The following PLCE1 variants were observed in gnomAD, a reference collection of about 807,000 sequenced individuals.
The protein encoded by PLCE1 is 1-phosphatidylinositol 4,5-bisphosphate phosphodiesterase epsilon-1.
In PLCE1, 119 loss-of-function variants were observed where a neutral mutation model predicts 242.8. The observed-to-expected ratio is 0.49, with a 90% CI of 0.42 to 0.57. PLCE1 has a LOEUF of 0.57. PLCE1 is among the 20% of genes least tolerant of loss of function. The probability of loss-of-function intolerance (pLI) is 0.00; values close to 1 mark genes in which losing one functional copy is unlikely to be tolerated. For missense variants in PLCE1, 2,441 were observed against 2,788.8 expected (o/e 0.88, Z 2.81); for synonymous variants, 945 against 1,017.4 (o/e 0.93, Z 1.35).
intron 10 of PLCE1, among the ~76,000 whole-genome samples, 193 bp downstream of exon 10, chr10:94,254,500 C>T (rs2050996427): frequency 6.6e-6 from 1 of 152,190 alleles, no homozygotes; most frequent in Non-Finnish European, 1.5e-5. Flanking sequence ...CATTAATTAA[C>T]TTGCCATTAC....
At chr10:94,065,731 T>G (rs897516686) in intron 2 of PLCE1, among the ~76,000 whole-genome samples, 1 of 152,236 alleles carries the variant, frequency 6.6e-6, no homozygotes, top group East Asian at 1.9e-4. Context: ...CCAGAAAAGG[T>G]CAACCCACAG....
At chr10:94,239,367 G>T (rs368504533) in intron 7 of PLCE1, among the ~76,000 whole-genome samples, 1 of 152,192 alleles carries the variant, frequency 6.6e-6, no homozygotes, top group Non-Finnish European at 1.5e-5. Flanking sequence ...GTGTGTGGTT[G>T]TTCCTCCTGC....
intron 2 of PLCE1, among the ~76,000 whole-genome samples, chr10:94,081,595 C>T (rs1232667455): frequency 1.3e-5 from 2 of 152,146 alleles, no homozygotes; most frequent in Non-Finnish European, 2.9e-5. Flanking sequence ...TTTTTCATGT[C>T]TTATTACACT....
chr10:94,157,825 A>G (rs1025073279), intron 3 of PLCE1, among the ~76,000 whole-genome samples: 1 of 152,324 alleles, frequency 6.6e-6, no homozygotes, highest in African/African-American at 2.4e-5. Context: ...GAGTCAGTGT[A>G]GGCTGGTGAT....
chr10:94,101,881 G>A (rs1430641984), intron 2 of PLCE1, among the ~76,000 whole-genome samples: 4 of 152,134 alleles, frequency 2.6e-5, no homozygotes, highest in African/African-American at 9.7e-5. Flanking sequence ...GTGCGGTGGT[G>A]GGCATGTGAT....
At chr10:94,052,622 CCTT>C (rs1445365825) in intron 2 of PLCE1, among the ~76,000 whole-genome samples, 1 of 152,174 alleles carries the variant, frequency 6.6e-6, no homozygotes, top group African/African-American at 2.4e-5. Context: ...TTTTCCCCCT[CCTT>C]CTTTTCTTTC....
intron 2 of PLCE1, among the ~76,000 whole-genome samples, chr10:94,118,864 C>T (rs188530060): frequency 6.6e-6 from 1 of 152,298 alleles, no homozygotes. Flanking sequence ...CCTGACTCAT[C>T]CTCATGAACT....
intron 17 of PLCE1, 55 bp downstream of exon 17, chr10:94,269,091 T>G: frequency 2.5e-6 from 2 of 788,950 alleles, no homozygotes; most frequent in Non-Finnish European, 4.1e-6. Flanking sequence ...TATCTTCATT[T>G]GTCTTTTTTT....
chr10:94,164,028 G>A (rs1013397994), intron 3 of PLCE1, among the ~76,000 whole-genome samples: 4 of 152,164 alleles, frequency 2.6e-5, no homozygotes. Context: ...TCAGCTGTTT[G>A]TCTGATGGGT....
At chr10:94,270,694 G>A in intron 18 of PLCE1, 92 bp downstream of exon 18, 1 of 853,052 alleles carries the variant, frequency 1.2e-6, no homozygotes, top group Non-Finnish European at 2.0e-6. Flanking sequence ...TTTTGAGACA[G>A]AGTCTCGCTC....
At chr10:94,003,488 T>TAAA (rs2060972078) in intron 1 of PLCE1, among the ~76,000 whole-genome samples, 1 of 152,242 alleles carries the variant, frequency 6.6e-6, no homozygotes, top group Non-Finnish European at 1.5e-5. Flanking sequence ...TATCTGTTTG[T>TAAA]TAATCAGTTG....
intron 14 of PLCE1, 22 bp from the exon 15 acceptor site, chr10:94,265,624 CT>C (rs769399009): frequency 4.6e-3 from 6,230 of 1,363,880 alleles, no homozygotes; most frequent in African/African-American, 0.01. Flanking sequence ...CTAAATAACA[CT>C]TTTTTTTTTA....
chr10:94,148,774 T>C (rs2047190482), intron 3 of PLCE1, among the ~76,000 whole-genome samples: 1 of 152,234 alleles, frequency 6.6e-6, no homozygotes, highest in African/African-American at 2.4e-5. Context: ...GAAACAGATA[T>C]GTTCAGCAAA....
intron 15 of PLCE1, 26 bp downstream of exon 15, chr10:94,265,734 A>G (rs3740360): frequency 6.2e-7 from 1 of 1,613,660 alleles, no homozygotes; most frequent in South Asian, 1.1e-5. Flanking sequence ...TCTTTTGCCC[A>G]TCTTTTAAGA....
At chr10:94,007,140 G>A (rs188816353) in intron 1 of PLCE1, among the ~76,000 whole-genome samples, 156 of 152,254 alleles carry the variant, frequency 1.0e-3, no homozygotes, top group African/African-American at 3.6e-3. Flanking sequence ...ATAGGAAGGA[G>A]GAAGTTAGGC....
At chr10:94,176,467 A>G (rs1174754280) in intron 4 of PLCE1, among the ~76,000 whole-genome samples, 1 of 152,216 alleles carries the variant, frequency 6.6e-6, no homozygotes, top group Admixed American at 6.5e-5. Context: ...CATGTCAAAC[A>G]TATTTTTTAA....
At chr10:94,100,785 A>G (rs1422061149) in intron 2 of PLCE1, 2 of 152,188 alleles carry the variant, frequency 1.3e-5, no homozygotes, top group Non-Finnish European at 2.9e-5. Context: ...CCACTATGGA[A>G]GATGGATGCA....
At chr10:94,186,476 T>C (rs1484524730) in intron 4 of PLCE1, among the ~76,000 whole-genome samples, 1 of 152,248 alleles carries the variant, frequency 6.6e-6, no homozygotes, top group African/African-American at 2.4e-5. Context: ...TAATTTTGAA[T>C]CTTAATTCAG....
chr10:94,301,204 C>T (rs375630207), intron 24 of PLCE1, among the ~76,000 whole-genome samples: 3 of 151,918 alleles, frequency 2.0e-5, no homozygotes, highest in South Asian at 2.1e-4. Context: ...ACTAGCCGGG[C>T]GTGGTAGTGC....
Sources: allele counts gnomAD v4.1 joint callset (sites outside exome capture counted in the v4.1 genomes callset), GRCh38; gene constraint gnomAD v4.1.1; transcripts MANE v1.5; gene names NCBI Gene and HGNC (gene_info 2026-07-23, HGNC 2026-07-21).